Variants in AKT3 observed in about 807,000 individuals in gnomAD.
The protein encoded by AKT3 is AKT serine/threonine kinase 3.
Under a neutral mutation model 65.3 loss-of-function variants are expected in AKT3, and 15 were observed. The ratio of observed to expected loss-of-function variants is 0.23; its 90% CI spans 0.15 to 0.35. The LOEUF is 0.35. AKT3 is among the 10% of genes least tolerant of loss of function. The pLI, the probability that AKT3 is intolerant of heterozygous loss-of-function variation, is 1.00. For synonymous variants in AKT3, 206 were observed against 183.8 expected, an observed-to-expected ratio of 1.12 and a Z score of -0.98; for missense variants, 243 against 576.5, an observed-to-expected ratio of 0.42 and a Z score of 5.92.
rs978913933 is a variant in AKT3 at position 243,715,542 on chromosome 1, C to T, written c.47-19826G>A. 5.9e-5 allele frequency among the ~76,000 whole-genome samples: 9 copies of T among 151,990 alleles called. No homozygotes were observed. In the South Asian group the frequency reaches 1.0e-3, roughly 18 times the overall value. ...CTGCATACTTTCAAACTGGGTGAAT[C>T]CTACTGTATTAACAATGTCATGATA... On this transcript the variant is annotated intron_variant, in intron 2 of 13. Coordinates refer to ENST00000673466, the MANE Select transcript of AKT3 (RefSeq NM_005465.7).
chr1:243,766,570 T>A (rs1333389933), intron 2 of AKT3, among the ~76,000 whole-genome samples: 1 of 152,162 alleles, frequency 6.6e-6, no homozygotes, highest in Non-Finnish European at 1.5e-5. Flanking sequence ...TCATGTTCTA[T>A]GGCACAAACA....
intron 3 of AKT3, among the ~76,000 whole-genome samples, chr1:243,679,083 A>G (rs1212960793): frequency 6.6e-6 from 1 of 152,180 alleles, no homozygotes; most frequent in Non-Finnish European, 1.5e-5. Flanking sequence ...CTTCCACTTA[A>G]TGAATAGCAA....
chr1:243,663,419 C>G (rs145173135), intron 4 of AKT3, among the ~76,000 whole-genome samples: 86 of 150,766 alleles, frequency 5.7e-4, no homozygotes, highest in South Asian at 4.9e-3. Flanking sequence ...GAGAAAAGGC[C>G]CAGGATCAAT....
At chr1:243,562,621 C>A (rs942557252) in intron 10 of AKT3, among the ~76,000 whole-genome samples, 1 of 152,132 alleles carries the variant, frequency 6.6e-6, no homozygotes, top group African/African-American at 2.4e-5. Flanking sequence ...CCAAAGAAGT[C>A]TGACTGCATT....
In AKT3 at chr1:243,651,965, C is replaced by G. The variant is rs573062311; in HGVS notation, c.285-5928G>C. On this transcript the variant is annotated intron_variant, in intron 4 of 13. Coordinates refer to ENST00000673466, the MANE Select transcript of AKT3 (RefSeq NM_005465.7). ...TTCCCACAAAGGGAAGCTCATCAGA[C>G]TAACAGCGGATCTCTCTGCAGAAAC... Among the ~76,000 whole-genome samples the G allele has an allele frequency of 4.1e-4, 62 of 152,068 alleles. No individual in the cohort carries two copies. In the South Asian group the frequency reaches 7.9e-3, roughly 19 times the overall value.
chr1:243,722,625 A>G (rs540189053), intron 2 of AKT3, among the ~76,000 whole-genome samples: 1 of 152,336 alleles, frequency 6.6e-6, no homozygotes, highest in Admixed American at 6.5e-5. Flanking sequence ...TCTAAACTAG[A>G]GAACCCTGGA....
chr1:243,554,643 G>A (rs1673292136), intron 10 of AKT3, among the ~76,000 whole-genome samples: 1 of 152,138 alleles, frequency 6.6e-6, no homozygotes, highest in Non-Finnish European at 1.5e-5. Context: ...TGCACTGTTG[G>A]TGGGCCTTTA....
intron 3 of AKT3, 129 bp from the exon 4 acceptor site, chr1:243,665,012 T>C (rs1297954014): frequency 7.8e-6 from 3 of 386,914 alleles, no homozygotes; most frequent in African/African-American, 6.3e-5. Flanking sequence ...GGTTCTCCAC[T>C]CAAGATTATT....
intron 3 of AKT3, among the ~76,000 whole-genome samples, chr1:243,668,028 A>G (rs1682917861): frequency 6.6e-6 from 1 of 152,006 alleles, no homozygotes; most frequent in South Asian, 2.1e-4. Context: ...TACCTGCTCT[A>G]TTTTTTATTT....
intron 12 of AKT3, among the ~76,000 whole-genome samples, chr1:243,544,274 G>T (rs1409686312): frequency 8.8e-5 from 13 of 147,618 alleles, no homozygotes; most frequent in African/African-American, 2.5e-4. Context: ...AGCAGGGGGA[G>T]GGGGGGACAG....
intron 5 of AKT3, among the ~76,000 whole-genome samples, chr1:243,639,858 C>T (rs908393329): frequency 1.3e-5 from 2 of 152,168 alleles, no homozygotes; most frequent in African/African-American, 4.8e-5. Flanking sequence ...CTGTTGTTTG[C>T]TCTTGAATTC....
chr1:243,513,165 G>A (rs555089241), intron 12 of AKT3, among the ~76,000 whole-genome samples: 63 of 152,310 alleles, frequency 4.1e-4, no homozygotes, highest in African/African-American at 1.5e-3. Flanking sequence ...TCGGGCTACT[G>A]GAGGTTTCAG....
chr1:243,749,917 C>A (rs1233408667), intron 2 of AKT3, among the ~76,000 whole-genome samples: 2 of 152,162 alleles, frequency 1.3e-5, no homozygotes, highest in Non-Finnish European at 2.9e-5. Context: ...CCTTGTTGTC[C>A]TTGAATCCTG....
At chr1:243,542,094 A>G (rs1273021964) in intron 12 of AKT3, among the ~76,000 whole-genome samples, 1 of 152,220 alleles carries the variant, frequency 6.6e-6, no homozygotes, top group African/African-American at 2.4e-5. Context: ...CATTGTTAAG[A>G]TGTCAGCTCT....
intron 3 of AKT3, among the ~76,000 whole-genome samples, chr1:243,690,731 TA>T (rs1684636464): frequency 7.3e-6 from 1 of 137,474 alleles, no homozygotes; most frequent in African/African-American, 2.8e-5. Context: ...TGTTATAATA[TA>T]GGGGTGGGGG....
At chr1:243,519,706 C>T (rs1032023624) in intron 12 of AKT3, among the ~76,000 whole-genome samples, 1 of 152,102 alleles carries the variant, frequency 6.6e-6, no homozygotes, top group African/African-American at 2.4e-5. Flanking sequence ...TTCATGAGAG[C>T]TTTCATGAGA....
chr1:243,660,415 T>C (rs1682211442), intron 4 of AKT3, among the ~76,000 whole-genome samples: 1 of 151,964 alleles, frequency 6.6e-6, no homozygotes, highest in Non-Finnish European at 1.5e-5. Flanking sequence ...TATACGCAAA[T>C]CAATAAACGT....
intron 13 of AKT3, 108 bp from the exon 14 acceptor site, chr1:243,505,442 T>A: frequency 1.2e-6 from 1 of 848,822 alleles, no homozygotes; most frequent in Non-Finnish European, 1.9e-6. Flanking sequence ...ACAGAGGCAA[T>A]AGCTCCCATA....
In AKT3 at chr1:243,528,916, A is replaced by G. The variant is rs74583950; in HGVS notation, c.1252-16490T>C. ...AGTGGATGAGCTAATTTGCATTTGCACCAGCAGTGTATAAGTGTTCCCATT... is the reference window on the plus strand; with the variant it reads ...AGTGGATGAGCTAATTTGCATTTGCGCCAGCAGTGTATAAGTGTTCCCATT... On this transcript the variant is annotated intron_variant, in intron 12 of 13. Coordinates refer to ENST00000673466, the MANE Select transcript of AKT3 (RefSeq NM_005465.7). Among the ~76,000 whole-genome samples, 475 of 152,294 alleles carry G rather than the reference A, an allele frequency of 3.1e-3. 2 individuals are homozygous for G. The highest frequency in any genetic ancestry group is 0.011 in the African/African-American group (444 of 41,554).
Sources: gnomAD v4.1 joint callset for allele counts (sites outside exome capture counted in the v4.1 genomes callset) on GRCh38, gnomAD v4.1.1 for gene constraint, MANE v1.5 for transcripts, NCBI Gene and HGNC (gene_info 2026-07-23, HGNC 2026-07-21) for gene names.